Variants in FARP2 observed in about 807,000 individuals in gnomAD.
FARP2 encodes FERM, ARH/RhoGEF and pleckstrin domain protein 2.
Under a neutral mutation model 130.5 loss-of-function variants are expected in FARP2, and 111 were observed. The observed-to-expected ratio is 0.85, with a 90% CI of 0.73 to 1.00. FARP2 has a LOEUF of 1.00. Among genes scored for constraint, FARP2 ranks in the 50% least tolerant of loss-of-function variants. The pLI is 0.00. For missense variants in FARP2, 1,385 were observed against 1,346.3 expected (o/e 1.03, Z -0.45); for synonymous variants, 504 against 516.9 (o/e 0.98, Z 0.34).
intron 18 of FARP2, among the ~76,000 whole-genome samples, chr2:241,473,056 T>C (rs1250870661): frequency 6.6e-6 from 1 of 151,118 alleles, no homozygotes; most frequent in Non-Finnish European, 1.5e-5. Context: ...GAGGGGACCC[T>C]GTTGTGAGGG....
intron 13 of FARP2, among the ~76,000 whole-genome samples, chr2:241,454,075 C>T (rs1457634426): frequency 1.3e-5 from 2 of 152,110 alleles, no homozygotes; most frequent in East Asian, 3.9e-4. Flanking sequence ...TGAGTCACCG[C>T]ACCCGGCCAG....
intron 2 of FARP2, chr2:241,386,713 C>T (rs747384612): frequency 1.3e-5 from 2 of 152,208 alleles, no homozygotes; most frequent in Non-Finnish European, 2.9e-5. Flanking sequence ...TCCAGCTGGC[C>T]ACCTTGGTTC....
intron 8 of FARP2, among the ~76,000 whole-genome samples, chr2:241,419,393 GA>G (rs1408488319): frequency 6.6e-6 from 1 of 151,800 alleles, no homozygotes; most frequent in Admixed American, 6.6e-5. Flanking sequence ...CACATTTCCA[GA>G]AAAAAACAAA....
chr2:241,370,591 T>A (rs2061403495), intron 1 of FARP2, among the ~76,000 whole-genome samples: 1 of 152,188 alleles, frequency 6.6e-6, no homozygotes, highest in African/African-American at 2.4e-5. Flanking sequence ...CATGTACAAT[T>A]ATGCACTCAT....
At chr2:241,408,759 G>A (rs1437955509) in intron 5 of FARP2, among the ~76,000 whole-genome samples, 1 of 152,100 alleles carries the variant, frequency 6.6e-6, no homozygotes, top group Admixed American at 6.6e-5. Context: ...GGCTAAAAGT[G>A]TACTCATAAA....
At chr2:241,388,128 A>C (rs2061831500) in intron 2 of FARP2, among the ~76,000 whole-genome samples, 1 of 152,236 alleles carries the variant, frequency 6.6e-6, no homozygotes, top group Admixed American at 6.5e-5. Flanking sequence ...AGCCAAAAAC[A>C]ATCTCAGAAA....
At chr2:241,466,358 C>T (rs2064169612) in intron 17 of FARP2, 2 of 985,322 alleles carry the variant, frequency 2.0e-6, no homozygotes, top group African/African-American at 1.7e-5. Context: ...TCCTGGAGCG[C>T]CTGCCAGGAT....
At chr2:241,406,239 C>T (rs1428179453) in intron 4 of FARP2, among the ~76,000 whole-genome samples, 4 of 151,564 alleles carry the variant, frequency 2.6e-5, no homozygotes, top group Admixed American at 6.6e-5. Flanking sequence ...ACCTGGAAGG[C>T]GGAGCTTGCA....
At chr2:241,444,128 T>C (rs892232068) in intron 13 of FARP2, 3 of 152,102 alleles carry the variant, frequency 2.0e-5, no homozygotes, top group African/African-American at 4.8e-5. Flanking sequence ...GTCTGTATAG[T>C]TGTTATTCAT....
At chr2:241,438,051 C>G (rs560366022) in intron 12 of FARP2, among the ~76,000 whole-genome samples, 14 of 152,150 alleles carry the variant, frequency 9.2e-5, no homozygotes, top group African/African-American at 3.4e-4. Context: ...TCAAGTGATA[C>G]GCCTGCCTTG....
chr2:241,370,786 A>G (rs766197198), intron 1 of FARP2, among the ~76,000 whole-genome samples: 29 of 152,316 alleles, frequency 1.9e-4, no homozygotes, highest in Non-Finnish European at 2.4e-4. Context: ...TTCATGATGT[A>G]CCAGTTCATG....
intron 18 of FARP2, among the ~76,000 whole-genome samples, chr2:241,472,132 TTGAGGGGACCCTGTTC>T (rs2064336080): frequency 2.7e-5 from 4 of 150,058 alleles, no homozygotes; most frequent in African/African-American, 7.4e-5. Flanking sequence ...TAGTGCTGTT[TTGAGGGGACCCTGTTC>T]TGAGGGGACC....
rs559944229 is a variant in FARP2 at position 241,425,075 on chromosome 2, T to C, written c.772-6604T>C. On this transcript the variant is annotated intron_variant, in intron 8 of 26. Coordinates refer to ENST00000264042, the MANE Select transcript of FARP2 (RefSeq NM_014808.4). ...TATAATAATTAGCCAGGCATGATAG[T>C]GGGTGCCTATAACCCCAGCTACTTG... Among the ~76,000 whole-genome samples the C allele has an allele frequency of 2.0e-5, 3 of 152,152 alleles. No homozygotes were observed. The East Asian group carries it at 5.8e-4, about 29-fold the overall frequency.
At chr2:241,357,030 C>G (rs915079931) in intron 1 of FARP2, among the ~76,000 whole-genome samples, 7 of 152,238 alleles carry the variant, frequency 4.6e-5, no homozygotes, top group African/African-American at 1.7e-4. Flanking sequence ...ACATTACACA[C>G]CCGAATTACG....
At position 241,434,224 on chromosome 2, in the gene FARP2, A is replaced by T. The variant is rs753588085; in HGVS notation, c.934A>T (p.Ile312Phe). Residue 312 changes from isoleucine (I) to phenylalanine (F), a missense_variant, in exon 10 of 27, where the codon ATT (isoleucine) becomes TTT (phenylalanine). Physicochemically the swap from Ile to Phe is conservative, Grantham distance 21. Transcript: ENST00000264042. Reference sequence around the variant, plus strand: ...AGATGAATGTAAGAACTTCTGGAAGATTTGTGTGGAGTATCACACCTTTTT... The same window carrying T: ...AGATGAATGTAAGAACTTCTGGAAGTTTTGTGTGGAGTATCACACCTTTTT... ...SRDECKNFWKICVEYHTFFRL... is the reference protein window; with the variant it reads ...SRDECKNFWKFCVEYHTFFRL... The T allele has an allele frequency of 6.2e-7, 1 of 1,613,928 alleles. No homozygotes were observed. The highest frequency in any genetic ancestry group is 1.7e-5 in the Admixed American group (1 of 59,992).
chr2:241,475,486 GCTC>G lies in FARP2; in HGVS notation c.2132-362_2132-360del, dbSNP rs1302961247. On this transcript the variant is annotated intron_variant, in intron 18 of 26. Transcript: ENST00000264042. This position sits in a 1 kb window ranked among gnomAD's most constrained non-coding sequence, Gnocchi z 4.4. The stretch of plus-strand genomic sequence containing the variant: ...CCCCATTGCTTGCATTACCACCTGA[GCTC>G]CTCCTCCTGTCAGATCAGCAGCAAC... Among the ~76,000 whole-genome samples the G allele has an allele frequency of 6.6e-6, 1 of 152,188 alleles. No individual in the cohort carries two copies. Among genetic ancestry groups the G allele is most frequent in the African/African-American group, 2.4e-5 (1 of 41,446 alleles).
chr2:241,390,347 T>A (rs2061877536), intron 2 of FARP2, among the ~76,000 whole-genome samples: 1 of 152,016 alleles, frequency 6.6e-6, no homozygotes. Context: ...AGGACAGGAG[T>A]CACGAGGCAT....
chr2:241,433,373 C>T (rs2063140360), intron 9 of FARP2, among the ~76,000 whole-genome samples: 1 of 152,176 alleles, frequency 6.6e-6, no homozygotes, highest in Non-Finnish European at 1.5e-5. Flanking sequence ...AGTCTTTGAG[C>T]TCAGATTTCC....
At chr2:241,404,209 G>T (rs931150139) in intron 3 of FARP2, among the ~76,000 whole-genome samples, 3 of 152,156 alleles carry the variant, frequency 2.0e-5, no homozygotes, top group African/African-American at 7.2e-5. Context: ...TTCGAAAGTG[G>T]ACTTGTAGCA....
Sources: gnomAD v4.1 joint callset for allele counts (sites outside exome capture counted in the v4.1 genomes callset) on GRCh38, gnomAD v4.1.1 for gene constraint, Gnocchi (gnomAD v3.1) non-coding constraint, MANE v1.5 for transcripts, NCBI Gene and HGNC (gene_info 2026-07-23, HGNC 2026-07-21) for gene names.